SLCO3A1: variants seen among roughly 807,000 people sequenced by gnomAD.
SLCO3A1 encodes PGE1 transporter.
SLCO3A1 carries 27 observed loss-of-function variants against 63.1 expected under a neutral mutation model. The observed-to-expected ratio is 0.43, with a 90% CI of 0.32 to 0.59. The LOEUF (loss-of-function observed/expected upper bound fraction) is 0.59, where lower values mean the gene tolerates loss of function less well. SLCO3A1 is among the 20% of genes least tolerant of loss of function. SLCO3A1 has a pLI of 0.09. For missense variants in SLCO3A1, 773 were observed against 945.8 expected, an observed-to-expected ratio of 0.82 and a Z score of 2.40; for synonymous variants, 473 against 409.9, an observed-to-expected ratio of 1.15 and a Z score of -1.86.
At position 91,916,456 on chromosome 15, in the gene SLCO3A1, T is replaced by C; in HGVS notation, c.644T>C (p.Ile215Thr). 1 of 1,599,404 alleles carries C rather than the reference T, an allele frequency of 6.3e-7. No homozygotes were observed. Among genetic ancestry groups the C allele is most frequent in the Non-Finnish European group, 8.5e-7 (1 of 1,172,838 alleles). Residue 215 changes from isoleucine (I) to threonine (T), a missense_variant and splice_region_variant, in exon 2 of 10, where the codon ATA becomes ACA. This residue lies in a region of SLCO3A1 where 565 missense variants were observed against 749.8 expected (regional missense o/e 0.75). Coordinates refer to ENST00000318445, the MANE Select transcript of SLCO3A1 (RefSeq NM_013272.4). The surrounding 1 kb of genome is among the most constrained non-coding windows in gnomAD (Gnocchi z 6.2). The stretch of plus-strand genomic sequence containing the variant: ...CGGAGGAAGGACTCCTCGCTCTATA[T>C]AGGTAGGAGCTGCCCCAGCCGTATT... ...HVRRKDSSLY[I>T]GILFTMLVFG...
At chr15:92,041,890 ATGTTT>A (rs2046801189) in intron 2 of SLCO3A1, among the ~76,000 whole-genome samples, 1 of 151,330 alleles carries the variant, frequency 6.6e-6, no homozygotes, top group South Asian at 2.1e-4. Context: ...TAGCTAAATG[ATGTTT>A]ATCACATTCT....
At chr15:91,944,468 G>A (rs781523638) in intron 2 of SLCO3A1, among the ~76,000 whole-genome samples, 50 of 152,252 alleles carry the variant, frequency 3.3e-4, no homozygotes, top group Non-Finnish European at 6.5e-4. Context: ...AGAATAGTAA[G>A]CAGCTGCAGC....
chr15:91,939,512 A>G (rs1445270055), intron 2 of SLCO3A1, among the ~76,000 whole-genome samples: 1 of 151,994 alleles, frequency 6.6e-6, no homozygotes, highest in Non-Finnish European at 1.5e-5. Context: ...ACCTTCCCCC[A>G]TGGTTCGCTG....
intron 2 of SLCO3A1, among the ~76,000 whole-genome samples, chr15:91,998,643 A>G (rs996963258): frequency 3.3e-5 from 5 of 152,236 alleles, no homozygotes; most frequent in African/African-American, 9.6e-5. Flanking sequence ...AAAACAGCAG[A>G]CGCTGGCAAG....
intron 9 of SLCO3A1, among the ~76,000 whole-genome samples, chr15:92,161,382 G>A (rs2048434742): frequency 6.6e-6 from 1 of 152,160 alleles, no homozygotes; most frequent in South Asian, 2.1e-4. Flanking sequence ...TGATTGTCAT[G>A]GGCAGCCAGG....
At chr15:91,855,130 G>A (rs768209108) in intron 1 of SLCO3A1, among the ~76,000 whole-genome samples, 1 of 152,190 alleles carries the variant, frequency 6.6e-6, no homozygotes, top group Non-Finnish European at 1.5e-5. Context: ...AAGTTTGATG[G>A]AGATAGAATT....
chr15:91,963,838 G>A (rs1015662904), intron 2 of SLCO3A1, among the ~76,000 whole-genome samples: 6 of 152,054 alleles, frequency 3.9e-5, no homozygotes, highest in South Asian at 2.1e-4. Context: ...TGTGAAGAGC[G>A]AAAGAACAAA....
chr15:92,158,467 A>AG (rs2048398474), intron 9 of SLCO3A1, among the ~76,000 whole-genome samples: 1 of 152,290 alleles, frequency 6.6e-6, no homozygotes, highest in South Asian at 2.1e-4. Flanking sequence ...AAGGTGGGGC[A>AG]GGGGGAGTGG....
At chr15:91,880,401 C>CGTG (rs1897546150) in intron 1 of SLCO3A1, among the ~76,000 whole-genome samples, 1 of 133,414 alleles carries the variant, frequency 7.5e-6, no homozygotes, top group Non-Finnish European at 1.6e-5. Flanking sequence ...CTCTCTCTCT[C>CGTG]TCTCTCTCTG....
At chr15:91,898,038 G>A (rs567294357) in intron 1 of SLCO3A1, among the ~76,000 whole-genome samples, 2 of 152,150 alleles carry the variant, frequency 1.3e-5, no homozygotes, top group Admixed American at 1.3e-4. Flanking sequence ...CTCTCGACAC[G>A]GTTTTCTAAG....
At chr15:91,880,733 G>A (rs1897560155) in intron 1 of SLCO3A1, among the ~76,000 whole-genome samples, 1 of 152,160 alleles carries the variant, frequency 6.6e-6, no homozygotes, top group Non-Finnish European at 1.5e-5. Context: ...GCCTAGTGTG[G>A]AGGTACTCCT....
intron 2 of SLCO3A1, among the ~76,000 whole-genome samples, chr15:92,026,826 C>G (rs955011563): frequency 6.6e-6 from 1 of 152,222 alleles, no homozygotes; most frequent in Non-Finnish European, 1.5e-5. Context: ...CAGTGGCTCA[C>G]ACCTGTAATC....
At chr15:91,913,049 A>G (rs1898534383) in intron 1 of SLCO3A1, among the ~76,000 whole-genome samples, 1 of 152,206 alleles carries the variant, frequency 6.6e-6, no homozygotes, top group South Asian at 2.1e-4. Context: ...ACTTGCCCAG[A>G]CCCTTCAGAC....
At position 92,092,973 on chromosome 15, in the gene SLCO3A1, C is replaced by T. The variant is rs144497155; in HGVS notation, c.647-1908C>T. On this transcript the variant is annotated intron_variant, in intron 2 of 9. Coordinates refer to ENST00000318445, the MANE Select transcript of SLCO3A1 (RefSeq NM_013272.4). The stretch of plus-strand genomic sequence containing the variant: ...AAACAGTGGAACTTCCAGATTTCTT[C>T]GCATCCAAGTAGGATTTTGCTGAGG... 1.5e-3 allele frequency among the ~76,000 whole-genome samples: 227 copies of T among 152,302 alleles called. 1 individual carries two copies. The highest frequency in any genetic ancestry group is 5.1e-3 in the African/African-American group (214 of 41,556).
chr15:92,004,334 G>C (rs6496886), intron 2 of SLCO3A1, among the ~76,000 whole-genome samples: 1 of 151,992 alleles, frequency 6.6e-6, no homozygotes, highest in African/African-American at 2.4e-5. Flanking sequence ...GATGGTGTCC[G>C]TCTCATGGAA....
intron 2 of SLCO3A1, among the ~76,000 whole-genome samples, chr15:92,054,502 G>A (rs1025122387): frequency 3.3e-5 from 5 of 152,090 alleles, no homozygotes; most frequent in Admixed American, 6.5e-5. Flanking sequence ...GTGCAGGTTT[G>A]TTATATAGGG....
intron 3 of SLCO3A1, among the ~76,000 whole-genome samples, chr15:92,099,021 C>T (rs2047572584): frequency 6.6e-6 from 1 of 152,242 alleles, no homozygotes; most frequent in African/African-American, 2.4e-5. Context: ...TTCCCTGAAA[C>T]ATCTCCAGGA....
At chr15:92,077,674 G>C (rs1330669766) in intron 2 of SLCO3A1, among the ~76,000 whole-genome samples, 1 of 152,206 alleles carries the variant, frequency 6.6e-6, no homozygotes, top group Non-Finnish European at 1.5e-5. Context: ...CCCAAGTAGA[G>C]GCCCCATGCC....
intron 1 of SLCO3A1, among the ~76,000 whole-genome samples, chr15:91,881,073 G>A (rs1041277206): frequency 6.6e-6 from 1 of 152,154 alleles, no homozygotes; most frequent in African/African-American, 2.4e-5. Context: ...CTGCATTCAT[G>A]TATCTGCATT....
Sources: gnomAD v4.1 joint callset for allele counts (sites outside exome capture counted in the v4.1 genomes callset) on GRCh38, gnomAD v4.1.1 for gene constraint, gnomAD v4.1.1 regional missense constraint, Gnocchi (gnomAD v3.1) non-coding constraint, MANE v1.5 for transcripts, NCBI Gene and HGNC (gene_info 2026-07-23, HGNC 2026-07-21) for gene names.